CASP10: variants seen among roughly 807,000 people sequenced by gnomAD.
The protein encoded by CASP10 is caspase 10.
Under a neutral mutation model 48.5 loss-of-function variants are expected in CASP10, and 41 were observed. The observed-to-expected ratio is 0.85, with a 90% CI of 0.66 to 1.10. The LOEUF (loss-of-function observed/expected upper bound fraction) is 1.10. CASP10 is among the 50% of genes least tolerant of loss of function. The pLI is 0.00. For synonymous variants in CASP10, 232 were observed against 238.4 expected (o/e 0.97, Z 0.25); for missense variants, 614 against 614.5 (o/e 1.00, Z 0.01).
rs745598282 is a variant in CASP10 at position 201,217,654 on chromosome 2, G to A, written c.1482G>A (p.Gln494=). The A allele has an allele frequency of 6.2e-7, 1 of 1,614,194 alleles. No homozygotes were observed. The change falls in exon 10 of 10, where the codon CAG becomes CAA. Residue 494 remains glutamine, a synonymous_variant. Transcript: ENST00000286186. The part of the protein sequence containing the change: ...NDDVSRRVDK[Q]GTKKQMPQPA... The stretch of plus-strand genomic sequence containing the variant: ...ATGTGAGTCGAAGAGTGGACAAACA[G>A]GGAACAAAGAAACAGATGCCCCAGC...
At chr2:201,204,849 A>G (rs1225304461) in intron 6 of CASP10, among the ~76,000 whole-genome samples, 1 of 152,160 alleles carries the variant, frequency 6.6e-6, no homozygotes, top group Non-Finnish European at 1.5e-5. Context: ...TCTCATGGTG[A>G]GGAGGAATTT....
In CASP10 at chr2:201,208,131, C is replaced by A. The variant is rs1292241185; in HGVS notation, c.870C>A (p.Asn290Lys). 2 of 1,614,090 alleles carry A rather than the reference C, an allele frequency of 1.2e-6. No individual in the cohort carries two copies. Among genetic ancestry groups the A allele is most frequent in the East Asian group, 2.2e-5 (1 of 44,886 alleles). Reference protein sequence around the residue: ...RNHRGLCVIVNNHSFTSLKDR... With the variant: ...RNHRGLCVIVKNHSFTSLKDR... ...ACAGAGGCCTCTGTGTCATTGTCAA[C>A]AACCACAGCTTTACCTCCCTGAAGG... Residue 290 changes from asparagine (N) to lysine (K), a missense_variant, in exon 8 of 10, where the codon AAC becomes AAA. Physicochemically the swap from Asn to Lys is moderately conservative, Grantham distance 94. Transcript: ENST00000286186.
chr2:201,228,827 C>T, intron 9 of CASP10: 1 of 887,882 alleles, frequency 1.1e-6, no homozygotes, highest in Non-Finnish European at 1.8e-6. Flanking sequence ...ATTGAAAGTA[C>T]AGCTGCCCAT....
chr2:201,223,799 T>A (rs1053292814), downstream of CASP10, among the ~76,000 whole-genome samples: 1 of 152,136 alleles, frequency 6.6e-6, no homozygotes, highest in Non-Finnish European at 1.5e-5. Flanking sequence ...TAAATTTAGT[T>A]TAGTTTTGTT....
rs1270516145 is a variant in CASP10 at position 201,187,059 on chromosome 2, AG to A, written c.348-644del. 2.0e-5 allele frequency among the ~76,000 whole-genome samples: 3 copies of A among 152,206 alleles called. No homozygotes were observed. In the East Asian group the frequency reaches 5.8e-4, roughly 29 times the overall value. On this transcript the variant is annotated intron_variant, in intron 2 of 9. Transcript: ENST00000286186. ...GAACCTCACGAAGAGGAGCCTTTGG[AG>A]GGTGTTTTATGGTCTCTGCGATTAG...
Position 201,195,884 on chromosome 2 carries a change from C to T in CASP10, c.620C>T (p.Ser207Leu), listed in dbSNP as rs770997816. Reference protein sequence around the residue: ...VTPPVDKEAESYQGEEELVSQ... With the variant: ...VTPPVDKEAELYQGEEELVSQ... ...CCTCCTGTAGACAAGGAAGCCGAGT[C>T]GTATCAAGGAGAGGAAGAACTAGTT... The change falls in exon 5 of 10, where the codon TCG (serine) becomes TTG (leucine). Residue 207 changes from serine (S) to leucine (L), a missense_variant. Physicochemically the swap from Ser to Leu is moderately radical, Grantham distance 145. Transcript: ENST00000286186. 1.6e-5 allele frequency: 26 copies of T among 1,613,756 alleles called. No individual in the cohort carries two copies. In the East Asian group the frequency reaches 1.8e-4, roughly 11 times the overall value.
chr2:201,191,231 A>G (rs970305835), intron 3 of CASP10, among the ~76,000 whole-genome samples: 2 of 152,280 alleles, frequency 1.3e-5, no homozygotes, highest in African/African-American at 4.8e-5. Context: ...AAATGATCAA[A>G]TGCACATGTT....
chr2:201,187,380 T>C (rs764577337), intron 2 of CASP10, among the ~76,000 whole-genome samples: 46 of 152,108 alleles, frequency 3.0e-4, no homozygotes, highest in Non-Finnish European at 5.3e-4. Flanking sequence ...CCTGAATTTC[T>C]TGATGGAATC....
At chr2:201,225,786 A>G (rs530745557), downstream of CASP10, among the ~76,000 whole-genome samples, 1 of 152,328 alleles carries the variant, frequency 6.6e-6, no homozygotes, top group South Asian at 2.1e-4. Flanking sequence ...AGCCTGGCCA[A>G]CTTGGTGAAA....
chr2:201,228,787 T>A, intron 9 of CASP10: 1 of 704,048 alleles, frequency 1.4e-6, no homozygotes, highest in East Asian at 2.7e-5. Flanking sequence ...GCTCCATTAC[T>A]GATGAGAAAT....
rs10616229 is a variant in CASP10, at chr2:201,215,211, G to GTTTTTTTTTTTT, written c.1416-2363_1416-2352dup. On this transcript the variant is annotated intron_variant, in intron 9 of 9. Transcript: ENST00000286186. ...ATTTTGTAGGTTGTCTCTTCCCTCG[G>GTTTTTTTTTTTT]TTTTTTTTTTTTTTTTTTTTTTTTT... Among the ~76,000 whole-genome samples the GTTTTTTTTTTTT allele has an allele frequency of 3.4e-3, 101 of 29,916 alleles. 2 individuals carry two copies. Among genetic ancestry groups the GTTTTTTTTTTTT allele is most frequent in the Non-Finnish European group, 4.4e-3 (69 of 15,694 alleles). 19.6% of individuals were successfully genotyped at this position (29,916 alleles called of 152,430 possible). A position where few individuals can be genotyped will look rare whatever the true frequency, so the allele number is the denominator to read the frequency against.
rs776166265 is a variant in CASP10 at position 201,209,113 on chromosome 2, T to C, written c.966T>C (p.His322=). 1.9e-6 allele frequency: 3 copies of C among 1,611,600 alleles called. No individual in the cohort carries two copies. The South Asian group carries it at 3.3e-5, about 18-fold the overall frequency. The change falls in exon 9 of 10, where the codon CAT becomes CAC. Residue 322 remains histidine, a synonymous_variant. Coordinates refer to ENST00000286186, the MANE Select transcript of CASP10 (RefSeq NM_032977.4). The part of the protein sequence containing the change: ...HVFQWLGFTV[H]IHNNVTKVEM... ...TCCAGTGGCTTGGGTTCACAGTGCA[T>C]ATACACAATAATGTGACGAAAGTGG... is the stretch of plus-strand genomic sequence containing the variant.
intron 2 of CASP10, 103 bp from the exon 3 acceptor site, chr2:201,187,603 T>A: frequency 2.3e-6 from 2 of 868,190 alleles, no homozygotes. Context: ...ACACATAGAG[T>A]TGATCATTCA....
exon 10 of CASP10, chr2:201,229,101 C>T (rs1052979468): frequency 6.8e-6 from 11 of 1,613,772 alleles, no homozygotes; most frequent in Non-Finnish European, 8.5e-6. Flanking sequence ...CAGAGGCTTC[C>T]TTCTGCCTGC....
At chr2:201,203,308 CT>C (rs34064194) in intron 5 of CASP10, among the ~76,000 whole-genome samples, 57,302 of 133,660 alleles carry the variant, frequency 0.43, 10,691 homozygotes, top group Non-Finnish European at 0.48. Context: ...AATGAACTTT[CT>C]TTTTTTTTTT....
At chr2:201,191,789 T>A (rs1169542768) in intron 3 of CASP10, among the ~76,000 whole-genome samples, 1 of 152,098 alleles carries the variant, frequency 6.6e-6, no homozygotes, top group Non-Finnish European at 1.5e-5. Flanking sequence ...CCTACACATA[T>A]CCTGAGAGAT....
At chr2:201,192,215 T>C (rs1944634712) in intron 3 of CASP10, among the ~76,000 whole-genome samples, 1 of 152,024 alleles carries the variant, frequency 6.6e-6, no homozygotes. Flanking sequence ...GCCAACATGG[T>C]GAAACCCATC....
Position 201,205,831 on chromosome 2 carries a change from A to G in CASP10, c.722-51A>G, listed in dbSNP as rs768289113. On this transcript the variant is annotated intron_variant, in intron 6 of 9. Transcript: ENST00000286186. ...TAGATGCGAAAATTATCAGTGAAGA[A>G]ATCTAAGTGCTTGGGGAAGATATTT... 7.3e-6 allele frequency: 8 copies of G among 1,101,902 alleles called. No homozygotes were observed. The East Asian group carries it at 1.9e-4, about 26-fold the overall frequency. The allele number at this position is 1,101,902 out of a possible 1,614,324, so 68.3% of individuals were successfully genotyped here.
intron 1 of CASP10, 47 bp downstream of exon 1, chr2:201,183,355 C>A (rs1018689581): frequency 6.6e-6 from 1 of 152,182 alleles, no homozygotes; most frequent in Non-Finnish European, 1.5e-5. Flanking sequence ...ATGCTTGAAT[C>A]TTTTCCTTTG....
Sources: gnomAD v4.1 joint callset for allele counts (sites outside exome capture counted in the v4.1 genomes callset) on GRCh38, gnomAD v4.1.1 for gene constraint, MANE v1.5 for transcripts, NCBI Gene and HGNC (gene_info 2026-07-23, HGNC 2026-07-21) for gene names.